C12orf57: variants seen among roughly 807,000 people sequenced by gnomAD.
C12orf57 encodes protein C10.
C12orf57 carries 14 observed loss-of-function variants against 11.3 expected under a neutral mutation model. The observed-to-expected ratio is 1.24, with a 90% CI of 0.82 to 1.94. The LOEUF is 1.94. Ranked by LOEUF, C12orf57 falls within the 30% of genes most tolerant of loss-of-function variation. The pLI is 0.00. For missense variants in C12orf57, 229 were observed against 172.4 expected (o/e 1.33, Z -1.84); for synonymous variants, 100 against 74.6 (o/e 1.34, Z -1.76).
At chr12:6,944,288 C>A in intron 1 of C12orf57, 115 bp downstream of exon 1, 1 of 1,597,782 alleles carries the variant, frequency 6.3e-7, no homozygotes, top group Non-Finnish European at 8.5e-7. Flanking sequence ...TGGCTACGTC[C>A]GCCGGGAAAA....
intron 1 of C12orf57, 133 bp downstream of exon 1, chr12:6,944,306 G>T (rs782293860): frequency 8.4e-5 from 133 of 1,583,218 alleles, no homozygotes; most frequent in Admixed American, 7.4e-4. Flanking sequence ...AAATGGGGTA[G>T]GGGACGCCGG....
In C12orf57 at chr12:6,945,757, AC is replaced by A; in HGVS notation, c.230-13del. On this transcript the variant is annotated splice_polypyrimidine_tract_variant and intron_variant, in intron 2 of 2. Transcript: ENST00000229281. ...TCCTTAGGAGAAGGGTTGACCTTCC[AC>A]TCCCTCTTGCAGGTGTCCTTAAGTT... 1.9e-6 allele frequency: 3 copies of A among 1,612,398 alleles called. No individual in the cohort carries two copies. Among genetic ancestry groups the A allele is most frequent in the Non-Finnish European group, 2.5e-6 (3 of 1,179,448 alleles).
intron 1 of C12orf57, 59 bp from the exon 2 acceptor site, chr12:6,944,417 C>A: frequency 3.7e-5 from 59 of 1,581,122 alleles, no homozygotes; most frequent in Non-Finnish European, 5.0e-5. Flanking sequence ...CCGCTGGGCC[C>A]GCTGTCTGTT....
upstream of C12orf57, chr12:6,943,830 T>TA (rs1429639619): frequency 4.6e-6 from 4 of 868,710 alleles, no homozygotes; most frequent in African/African-American, 3.5e-5. Flanking sequence ...GTTACAGCTC[T>TA]TTTAGAATTT....
intron 2 of C12orf57, chr12:6,945,010 C>A: frequency 1.9e-6 from 1 of 524,648 alleles, no homozygotes; most frequent in Non-Finnish European, 3.1e-6. Context: ...ATGCACATAG[C>A]CTGAGGGTAA....
At chr12:6,944,349 A>G in intron 1 of C12orf57, 127 bp from the exon 2 acceptor site, 2 of 1,555,694 alleles carry the variant, frequency 1.3e-6, no homozygotes, top group Middle Eastern at 4.6e-4. Context: ...GCTTGCCCCC[A>G]AGACTTGGGA....
chr12:6,943,859 CT>C (rs1294545980), upstream of C12orf57: 45 of 939,090 alleles, frequency 4.8e-5, no homozygotes, highest in Middle Eastern at 7.0e-4. Flanking sequence ...GGCTTTCTGG[CT>C]TTTTACCGGA....
chr12:6,944,704 C>T (rs782024839), intron 2 of C12orf57, 52 bp downstream of exon 2: 2 of 1,598,300 alleles, frequency 1.3e-6, no homozygotes, highest in Non-Finnish European at 1.7e-6. Context: ...GGAGTTGGGT[C>T]GGGAGAGGGC....
rs771436737 is a variant in C12orf57 at position 6,944,139 on chromosome 12, C to G, written c.18C>G (p.Thr6=). 3.7e-6 allele frequency: 6 copies of G among 1,614,124 alleles called. No homozygotes were observed. The highest frequency in any genetic ancestry group is 2.7e-5 in the African/African-American group (2 of 74,938). Residue 6 remains threonine (T), a synonymous_variant, in exon 1 of 3, where the codon ACC becomes ACG. Transcript: ENST00000229281. ...GACGCCCTATGGCGTCCGCCTCGAC[C>G]CAACCGGCGGCCTTGAGCGCTGAGC... MASAS[T]QPAALSAEQA...
rs782702795 is a variant in C12orf57, at chr12:6,944,958, A to C, written c.229+306A>C. 1.5e-4 allele frequency: 149 copies of C among 1,006,790 alleles called. 1 individual carries two copies. The highest frequency in any genetic ancestry group is 2.0e-4 in the Non-Finnish European group (147 of 738,712). The allele number at this position is 1,006,790 out of a possible 1,614,324, so 62.4% of individuals were successfully genotyped here. A position where few individuals can be genotyped will look rare whatever the true frequency, so the allele number is the denominator to read the frequency against. ...TGGATATCTTGGGGGATGGGACCTA[A>C]ATCTGAACACGAAATTGTTTTGTTT... On this transcript the variant is annotated intron_variant, in intron 2 of 2. Coordinates refer to ENST00000229281, the MANE Select transcript of C12orf57 (RefSeq NM_138425.4).
chr12:6,945,745 G>C (rs373947491), intron 2 of C12orf57, 26 bp from the exon 3 acceptor site: 16 of 1,611,672 alleles, frequency 9.9e-6, no homozygotes, highest in East Asian at 2.2e-5. Flanking sequence ...TTAGGAGAAG[G>C]GTTGACCTTC....
At chr12:6,943,791 A>C (rs782688872), upstream of C12orf57, 5 of 935,930 alleles carry the variant, frequency 5.3e-6, no homozygotes, top group Non-Finnish European at 5.8e-6. Context: ...TTTATATCCC[A>C]TCTTCTCTCC....
At chr12:6,943,805 C>T (rs111516356), upstream of C12orf57, 45 of 886,078 alleles carry the variant, frequency 5.1e-5, no homozygotes, top group Middle Eastern at 7.5e-4. Flanking sequence ...TCTCTCCAAA[C>T]ACATACGCAG....
upstream of C12orf57, chr12:6,943,971 A>T (rs1418032021): frequency 7.7e-6 from 12 of 1,560,292 alleles, no homozygotes; most frequent in Middle Eastern, 3.9e-4. Context: ...AGCTTGGGGT[A>T]TGAAGGTTTG....
At chr12:6,943,775 A>C (rs1247238652), upstream of C12orf57, 7 of 1,029,916 alleles carry the variant, frequency 6.8e-6, no homozygotes, top group Admixed American at 3.4e-5. Flanking sequence ...TCAATTGTGG[A>C]GTTCCTTTAT....
At chr12:6,944,379 G>A (rs1318539915) in intron 1 of C12orf57, 97 bp from the exon 2 acceptor site, 18 of 1,557,872 alleles carry the variant, frequency 1.2e-5, no homozygotes, top group Non-Finnish European at 1.2e-5. Context: ...GTTACCTACA[G>A]CCTCAATCCA....
upstream of C12orf57, chr12:6,943,737 A>G (rs919777668): frequency 7.3e-6 from 9 of 1,230,580 alleles, no homozygotes; most frequent in South Asian, 1.3e-4. Flanking sequence ...AATAGGAACA[A>G]GAAAAAAGTC....
chr12:6,943,889 T>C (rs147736104), upstream of C12orf57: 1,126 of 1,054,646 alleles, frequency 1.1e-3, 10 homozygotes, highest in South Asian at 0.011. Context: ...CTTATGATGT[T>C]TGTTGCCAAT....
chr12:6,943,844 T>C (rs185860337), upstream of C12orf57: 33 of 891,552 alleles, frequency 3.7e-5, no homozygotes, highest in East Asian at 6.3e-4. Flanking sequence ...AGAATTTGTC[T>C]AGTAGGCTTT....
Sources: allele counts gnomAD v4.1 joint callset, GRCh38; gene constraint gnomAD v4.1.1; transcripts MANE v1.5; gene names NCBI Gene and HGNC (gene_info 2026-07-23, HGNC 2026-07-21).